The following COG2 variants were observed in gnomAD, a reference collection of about 807,000 sequenced individuals.
COG2 encodes component of oligomeric golgi complex 2.
COG2 carries 52 observed loss-of-function variants against 90.6 expected under a neutral mutation model. That is an observed-to-expected ratio of 0.57 (90% confidence interval 0.46 to 0.72). The LOEUF (loss-of-function observed/expected upper bound fraction) is 0.72. Ranked by LOEUF, COG2 falls within the 30% of genes least tolerant of loss-of-function variation. The pLI is 0.00. For missense variants in COG2, 829 were observed against 891.2 expected (o/e 0.93, Z 0.89); for synonymous variants, 337 against 320.4 (o/e 1.05, Z -0.55).
chr1:230,669,041 A>G (rs1005949328), intron 6 of COG2: 1 of 455,954 alleles, frequency 2.2e-6, no homozygotes, highest in Admixed American at 3.9e-5. Flanking sequence ...TATGATGTAG[A>G]CAATTAATTT....
chr1:230,665,651 G>A (rs898405032), intron 5 of COG2, among the ~76,000 whole-genome samples: 3 of 152,144 alleles, frequency 2.0e-5, no homozygotes, highest in Non-Finnish European at 2.9e-5. Flanking sequence ...TTTCCTGATC[G>A]AGATGTATAA....
chr1:230,654,562 G>A (rs922503530), intron 1 of COG2, among the ~76,000 whole-genome samples: 4 of 152,164 alleles, frequency 2.6e-5, no homozygotes, highest in Non-Finnish European at 4.4e-5. Flanking sequence ...CTCCAGCTTT[G>A]TTCCTTTTGC....
intron 5 of COG2, among the ~76,000 whole-genome samples, 192 bp downstream of exon 5, chr1:230,664,779 C>T (rs1167894109): frequency 1.3e-5 from 2 of 152,132 alleles, no homozygotes; most frequent in African/African-American, 4.8e-5. Flanking sequence ...CCTTGATGGT[C>T]GTAGGCCACT....
At chr1:230,683,445 C>G in intron 10 of COG2, 129 bp from the exon 11 acceptor site, 1 of 546,486 alleles carries the variant, frequency 1.8e-6, no homozygotes, top group Non-Finnish European at 3.2e-6. Flanking sequence ...GGAGAATAGG[C>G]ATTCCGAGGC....
chr1:230,666,028 A>G (rs1357876771), intron 5 of COG2, among the ~76,000 whole-genome samples: 1 of 152,078 alleles, frequency 6.6e-6, no homozygotes, highest in Non-Finnish European at 1.5e-5. Flanking sequence ...ATCCAACCCC[A>G]TGGTTTTAAT....
chr1:230,642,536 C>G lies in COG2; in HGVS notation c.-71C>G, dbSNP rs1661645149. The G allele has an allele frequency of 6.7e-7, 1 of 1,497,918 alleles. No individual in the cohort carries two copies. The highest frequency in any genetic ancestry group is 9.1e-7 in the Non-Finnish European group (1 of 1,097,876). The allele number at this position is 1,497,918 out of a possible 1,614,324, so 92.8% of individuals were successfully genotyped here. A position where few individuals can be genotyped will look rare whatever the true frequency, so the allele number is the denominator to read the frequency against. ...TGGAAACTGGCGGTGGCCGCGGCCG[C>G]CGAGTCGGTCTGCGCAGCCTCCTGC... On this transcript the variant is annotated 5_prime_UTR_variant, in exon 1 of 18. Coordinates refer to ENST00000366669, the MANE Select transcript of COG2 (RefSeq NM_007357.3).
Position 230,691,479 on chromosome 1 carries a change from A to C in COG2, c.2030A>C (p.Asn677Thr). 1 of 1,613,988 alleles carries C rather than the reference A, an allele frequency of 6.2e-7. No homozygotes were observed. The highest frequency in any genetic ancestry group is 8.5e-7 in the Non-Finnish European group (1 of 1,180,010). Residue 677 changes from asparagine (N) to threonine (T), a missense_variant, in exon 17 of 18, where the codon AAC (asparagine) becomes ACC (threonine). Asn to Thr is a moderately conservative substitution (Grantham distance 65, BLOSUM62 0). Transcript: ENST00000366669. ...LKQARKTTPA[N>T]PVGPSGGMSD... ...CAAGCCAGAAAAACCACTCCCGCCAACCCCGTCGGTCCCAGTGGTGGCATG... is the reference window on the plus strand; with the variant it reads ...CAAGCCAGAAAAACCACTCCCGCCACCCCCGTCGGTCCCAGTGGTGGCATG...
intron 1 of COG2, among the ~76,000 whole-genome samples, chr1:230,647,505 C>T (rs1031736666): frequency 5.3e-5 from 8 of 152,154 alleles, no homozygotes; most frequent in African/African-American, 1.9e-4. Flanking sequence ...CTGGCCTCTG[C>T]GGGCTTCAGT....
intron 10 of COG2, 91 bp from the exon 11 acceptor site, chr1:230,683,483 G>A (rs1662804709): frequency 2.2e-6 from 2 of 907,522 alleles, no homozygotes; most frequent in African/African-American, 1.7e-5. Context: ...GACAGAGGAA[G>A]TTCCTGTTAC....
At chr1:230,643,608 C>T (rs1025145340) in intron 1 of COG2, among the ~76,000 whole-genome samples, 1 of 130,596 alleles carries the variant, frequency 7.7e-6, no homozygotes, top group African/African-American at 2.9e-5. Context: ...ATTAATTAGC[C>T]TATCTCTTTT....
Position 230,675,069 on chromosome 1 carries a change from T to G in COG2, c.971T>G (p.Leu324Ter). ...GTTTGGCCACAAATAGTACAAGGAT[T>G]AGAAGAAAAGTTACCCTCGCTTTTT... Reference protein sequence around the residue: ...NSVWPQIVQGLEEKLPSLFNP... With the variant: ...NSVWPQIVQG The change falls in exon 9 of 18, where the codon TTA (leucine) becomes TGA (stop). Residue 324 changes from leucine to a stop codon, truncating the protein, a stop_gained. Coordinates refer to ENST00000366669, the MANE Select transcript of COG2 (RefSeq NM_007357.3). LOFTEE classifies it high-confidence loss of function. 1 of 1,613,140 alleles carries G rather than the reference T, an allele frequency of 6.2e-7. No individual in the cohort carries two copies. The highest frequency in any genetic ancestry group is 1.1e-5 in the South Asian group (1 of 90,814).
Position 230,642,590 on chromosome 1 carries a change from A to G in COG2, c.-17A>G, listed in dbSNP as rs1028401584. On this transcript the variant is annotated 5_prime_UTR_variant, in exon 1 of 18. Transcript: ENST00000366669. ...TTCTCGCTTGGATCTTGGCACTGAGAGGCGGTGGCCGGCGGGATGGAGAAA... is the reference window on the plus strand; with the variant it reads ...TTCTCGCTTGGATCTTGGCACTGAGGGGCGGTGGCCGGCGGGATGGAGAAA... 1.2e-6 allele frequency: 2 copies of G among 1,608,938 alleles called. No individual in the cohort carries two copies. Among genetic ancestry groups the G allele is most frequent in the African/African-American group, 2.7e-5 (2 of 74,828 alleles).
At chr1:230,680,652 C>CT (rs1662721218) in intron 10 of COG2, 1 of 152,088 alleles carries the variant, frequency 6.6e-6, no homozygotes. Flanking sequence ...GCTGATTAGC[C>CT]TTTTTTAAAA....
chr1:230,679,025 G>A lies in COG2; in HGVS notation c.1139G>A (p.Trp380Ter). ...GCCTATCACAGCTTCAATAAGAAGT[G>A]GAACTTGCCTGTTTATTTTCAAATA... ...HPAYHSFNKK[W>*]NLPVYFQIRF... Residue 380 changes from tryptophan (W) to a stop codon, truncating the protein, a stop_gained, in exon 10 of 18, where the codon TGG becomes TAG. Coordinates refer to ENST00000366669, the MANE Select transcript of COG2 (RefSeq NM_007357.3). LOFTEE classifies it high-confidence loss of function. 5 of 1,612,818 alleles carry A rather than the reference G, an allele frequency of 3.1e-6. No homozygotes were observed. Among genetic ancestry groups the A allele is most frequent in the Non-Finnish European group, 4.2e-6 (5 of 1,178,988 alleles).
Position 230,691,541 on chromosome 1 carries a change from G to C in COG2, c.2092G>C (p.Asp698His). 6.2e-7 allele frequency: 1 copy of C among 1,613,960 alleles called. No individual in the cohort carries two copies. ...DDKIRLQLAL[D>H]VEYLGEQIQK... ...CAAAATCAGGCTGCAGTTGGCCCTA[G>C]ATGTTGAGTACTTGGGAGAGCAGGT... The change falls in exon 17 of 18, where the codon GAT becomes CAT. Residue 698 changes from aspartate (D) to histidine (H), a missense_variant. Coordinates refer to ENST00000366669, the MANE Select transcript of COG2 (RefSeq NM_007357.3).
chr1:230,646,714 C>T (rs1056786792), intron 1 of COG2, among the ~76,000 whole-genome samples: 2 of 151,936 alleles, frequency 1.3e-5, no homozygotes, highest in African/African-American at 2.4e-5. Flanking sequence ...AAAAACCAAC[C>T]TTCTCTCAAA....
chr1:230,660,092 C>T (rs1001226167), intron 2 of COG2, among the ~76,000 whole-genome samples: 1 of 152,202 alleles, frequency 6.6e-6, no homozygotes, highest in Non-Finnish European at 1.5e-5. Context: ...ACGAGCATAT[C>T]AGCTGTTCAT....
intron 8 of COG2, among the ~76,000 whole-genome samples, chr1:230,672,445 T>C (rs1662472588): frequency 6.6e-6 from 1 of 152,278 alleles, no homozygotes; most frequent in South Asian, 2.1e-4. Context: ...TCTGCGTTTT[T>C]CCTCTGCCTG....
At chr1:230,655,442 T>G (rs1013964604) in intron 1 of COG2, among the ~76,000 whole-genome samples, 2 of 152,258 alleles carry the variant, frequency 1.3e-5, no homozygotes, top group African/African-American at 4.8e-5. Flanking sequence ...GTTGCAGGGA[T>G]GAAGCCAACT....
Sources: allele counts gnomAD v4.1 joint callset (sites outside exome capture counted in the v4.1 genomes callset), GRCh38; gene constraint gnomAD v4.1.1; transcripts MANE v1.5; gene names NCBI Gene and HGNC (gene_info 2026-07-23, HGNC 2026-07-21).